CARS2: variants seen among roughly 807,000 people sequenced by gnomAD.
CARS2 encodes cysteinyl-tRNA synthetase 2, mitochondrial, also known as probable cysteine--tRNA ligase, mitochondrial.
In CARS2, 52 loss-of-function variants were observed where a neutral mutation model predicts 68.8. The observed-to-expected ratio is 0.76, with a 90% CI of 0.61 to 0.95. CARS2 has a LOEUF of 0.95. Among genes scored for constraint, CARS2 ranks in the 40% least tolerant of loss-of-function variants. The pLI, the probability that CARS2 is intolerant of heterozygous loss-of-function variation, is 0.00. For missense variants in CARS2, 780 were observed against 754.2 expected, an observed-to-expected ratio of 1.03 and a Z score of -0.40; for synonymous variants, 314 against 303.6, an observed-to-expected ratio of 1.03 and a Z score of -0.36.
Position 110,705,533 on chromosome 13 carries a change from AG to A in CARS2, c.262del (p.Gly89AlafsTer16). ...CCAGGAAACTCACCAAGCATGGCCA[AG>A]GTGCGCATGATCATATACAGTTGGT... ...CGPTVYDHAH[L>X]GHACSYVRFD... On this transcript the variant is annotated frameshift_variant, in exon 2 of 15. Transcript: ENST00000257347. LOFTEE classifies it high-confidence loss of function. The surrounding 1 kb of genome is among the most constrained non-coding windows in gnomAD (Gnocchi z 4.0). The A allele has an allele frequency of 1.2e-6, 2 of 1,605,368 alleles. No homozygotes were observed. The highest frequency in any genetic ancestry group is 1.7e-6 in the Non-Finnish European group (2 of 1,175,182).
Position 110,641,436 on chromosome 13 carries a change from G to T in CARS2, c.*101C>A. On this transcript the variant is annotated 3_prime_UTR_variant, in exon 15 of 15. Transcript: ENST00000257347. Reference sequence around the variant, plus strand: ...ACACTGTTGGTTGCCTTACTTTAATGCTGACCTAGCAGCCCCGACAGGAAG... The same window carrying T: ...ACACTGTTGGTTGCCTTACTTTAATTCTGACCTAGCAGCCCCGACAGGAAG... 1 of 962,828 alleles carries T rather than the reference G, an allele frequency of 1.0e-6. No homozygotes were observed. The highest frequency in any genetic ancestry group is 1.7e-6 in the Non-Finnish European group (1 of 592,766). The allele number at this position is 962,828 out of a possible 1,614,324, so 59.6% of individuals were successfully genotyped here.
intron 13 of CARS2, chr13:110,642,970 G>T (rs576401896): frequency 2.7e-6 from 1 of 369,772 alleles, no homozygotes; most frequent in African/African-American, 2.1e-5. Context: ...CGGGATTTGC[G>T]CAGAAGGCCT....
chr13:110,680,905 C>T (rs755580300), intron 6 of CARS2, among the ~76,000 whole-genome samples: 1 of 152,240 alleles, frequency 6.6e-6, no homozygotes, highest in African/African-American at 2.4e-5. Context: ...TAGTTGCCCC[C>T]AGGGCAGGGC....
Position 110,670,003 on chromosome 13 carries a change from G to C in CARS2, c.786-2530C>G, listed in dbSNP as rs539656139. Among the ~76,000 whole-genome samples, 59 of 152,316 alleles carry C rather than the reference G, an allele frequency of 3.9e-4. No homozygotes were observed. Among genetic ancestry groups the C allele is most frequent in the African/African-American group, 1.4e-3 (57 of 41,582 alleles). Reference sequence around the variant, plus strand: ...AGATGAACTGCAAGGCGGCAGCGAGGCTGGGGGAGGGGCATCTGCCATTGC... The same window carrying C: ...AGATGAACTGCAAGGCGGCAGCGAGCCTGGGGGAGGGGCATCTGCCATTGC... On this transcript the variant is annotated intron_variant, in intron 7 of 14. Coordinates refer to ENST00000257347, the MANE Select transcript of CARS2 (RefSeq NM_024537.4). The surrounding 1 kb of genome is among the most constrained non-coding windows in gnomAD (Gnocchi z 4.1).
In CARS2 at chr13:110,665,479, C is replaced by T. The variant is rs975800486; in HGVS notation, c.919+1861G>A. 2.5e-5 allele frequency: 25 copies of T among 985,476 alleles called. No homozygotes were observed. In the South Asian group the frequency reaches 3.8e-4, roughly 15 times the overall value. The allele number at this position is 985,476 out of a possible 1,614,324, so 61.0% of individuals were successfully genotyped here. ...AGCAAATGCTTTCCCATTCCCACAT[C>T]GGAAGGTGAACACGACCTCCGTTTC... On this transcript the variant is annotated intron_variant, in intron 8 of 14. Transcript: ENST00000257347. The surrounding 1 kb of genome is among the most constrained non-coding windows in gnomAD (Gnocchi z 4.3).
Position 110,668,305 on chromosome 13 carries a change from A to T in CARS2, c.786-832T>A, listed in dbSNP as rs1224665907. 6.6e-6 allele frequency among the ~76,000 whole-genome samples: 1 copy of T among 152,176 alleles called. No individual in the cohort carries two copies. The highest frequency in any genetic ancestry group is 1.5e-5 in the Non-Finnish European group (1 of 68,030). On this transcript the variant is annotated intron_variant, in intron 7 of 14. Transcript: ENST00000257347. This position sits in a 1 kb window ranked among gnomAD's most constrained non-coding sequence, Gnocchi z 4.1. Reference sequence around the variant, plus strand: ...ACGCCTGTAAACACAGCACTTTGGGAGGCTGAGGCAGGCGGATCACAAGGT... The same window carrying T: ...ACGCCTGTAAACACAGCACTTTGGGTGGCTGAGGCAGGCGGATCACAAGGT...
In CARS2 at chr13:110,642,465, C is replaced by T. The variant is rs774705663; in HGVS notation, c.1473G>A (p.Val491=). ...ACTGCCGGACCTTCTGCCGGAACCG[C>T]ACCAGCTCGTCCACCACACCATGCA... ...ATLHGVVDEL[V]RFRQKVRQFA... is the part of the protein sequence containing the mutation. Residue 491 remains valine, a synonymous_variant, in exon 14 of 15, where the codon GTG becomes GTA. Coordinates refer to ENST00000257347, the MANE Select transcript of CARS2 (RefSeq NM_024537.4). 54 of 1,609,742 alleles carry T rather than the reference C, an allele frequency of 3.4e-5. 1 individual carries two copies. The highest frequency in any genetic ancestry group is 1.6e-4 in the Middle Eastern group (1 of 6,082).
chr13:110,702,781 G>A (rs1425905849), intron 2 of CARS2, among the ~76,000 whole-genome samples: 1 of 152,142 alleles, frequency 6.6e-6, no homozygotes, highest in South Asian at 2.1e-4. Flanking sequence ...CACACGCCTT[G>A]CAAGTGCCGG....
At chr13:110,680,525 GGC>G (rs1477072771) in intron 6 of CARS2, among the ~76,000 whole-genome samples, 3 of 152,182 alleles carry the variant, frequency 2.0e-5, no homozygotes, top group Non-Finnish European at 2.9e-5. Flanking sequence ...GACACACAGA[GGC>G]AGAGCCCTTA....
In CARS2 at chr13:110,705,949, C is replaced by G; in HGVS notation, c.145G>C (p.Glu49Gln). The G allele has an allele frequency of 6.4e-7, 1 of 1,557,774 alleles. No individual in the cohort carries two copies. Among genetic ancestry groups the G allele is most frequent in the Non-Finnish European group, 8.7e-7 (1 of 1,155,118 alleles). ...CTGTTGTACACCTGCACACCCGTCT[C>G]CCGGCCCGTGGGCTGCAGCCAGGCC... ...GRAWLQPTGR[E>Q]TGVQVYNSLT... The change falls in exon 1 of 15, where the codon GAG becomes CAG. Residue 49 changes from glutamate to glutamine, a missense_variant. By Grantham distance (29) the Glu-to-Gln change is conservative (BLOSUM62 2). Coordinates refer to ENST00000257347, the MANE Select transcript of CARS2 (RefSeq NM_024537.4). This position sits in a 1 kb window ranked among gnomAD's most constrained non-coding sequence, Gnocchi z 4.0.
At chr13:110,706,254 T>A, upstream of CARS2, 2 of 435,282 alleles carry the variant, frequency 4.6e-6, no homozygotes, top group Admixed American at 4.9e-5. Flanking sequence ...TTGGCCTGGC[T>A]CGAGTCGCCC....
At chr13:110,712,612 G>C in intron 1 of CARS2, 1 of 452,764 alleles carries the variant, frequency 2.2e-6, no homozygotes, top group South Asian at 2.1e-5. Context: ...CCCAAAATCC[G>C]GGAGCTTTGG....
At chr13:110,686,373 G>C (rs1421371094) in intron 5 of CARS2, among the ~76,000 whole-genome samples, 2 of 151,660 alleles carry the variant, frequency 1.3e-5, no homozygotes, top group East Asian at 3.9e-4. Flanking sequence ...CTCCTGAGTA[G>C]CTGAGACTAC....
chr13:110,662,270 G>A (rs556737826), intron 9 of CARS2, among the ~76,000 whole-genome samples: 21 of 112,792 alleles, frequency 1.9e-4, no homozygotes, highest in South Asian at 8.1e-4. Context: ...ATGCAACCCC[G>A]TGGCCGGGCT....
upstream of CARS2, among the ~76,000 whole-genome samples, chr13:110,710,178 C>T (rs543699250): frequency 2.6e-5 from 4 of 152,200 alleles, no homozygotes; most frequent in South Asian, 2.1e-4. Context: ...GTCAGGAGTT[C>T]GAGACCAGCC....
At chr13:110,709,856 G>A (rs1181878272), upstream of CARS2, among the ~76,000 whole-genome samples, 2 of 151,214 alleles carry the variant, frequency 1.3e-5, no homozygotes, top group Non-Finnish European at 2.9e-5. Context: ...TCCAATCTAG[G>A]TCAGAACGAG....
intron 3 of CARS2, among the ~76,000 whole-genome samples, chr13:110,695,514 G>A (rs1411404216): frequency 1.3e-5 from 2 of 152,078 alleles, no homozygotes; most frequent in Non-Finnish European, 2.9e-5. Flanking sequence ...TATATATTCA[G>A]AAGATAGACA....
rs766366526 is a variant in CARS2 at position 110,643,938 on chromosome 13, G to T, written c.1416+447C>A. The T allele has an allele frequency of 3.9e-5, 13 of 335,184 alleles. No individual in the cohort carries two copies. The East Asian group carries it at 1.0e-3, about 27-fold the overall frequency. 20.8% of individuals were successfully genotyped at this position (335,184 alleles called of 1,614,324 possible). A position where few individuals can be genotyped will look rare whatever the true frequency, so the allele number is the denominator to read the frequency against. Reference sequence around the variant, plus strand: ...TCACTGCACAGCCAGGGTGAGCCTCGCTGGGAAGGTGCAGGTGACTCGTGC... The same window carrying T: ...TCACTGCACAGCCAGGGTGAGCCTCTCTGGGAAGGTGCAGGTGACTCGTGC... On this transcript the variant is annotated intron_variant, in intron 13 of 14. Coordinates refer to ENST00000257347, the MANE Select transcript of CARS2 (RefSeq NM_024537.4).
At chr13:110,652,602 C>G (rs2062247234) in intron 9 of CARS2, among the ~76,000 whole-genome samples, 1 of 152,330 alleles carries the variant, frequency 6.6e-6, no homozygotes. Flanking sequence ...GAGGATGGAG[C>G]AGGTCTGGTC....
Sources: gnomAD v4.1 joint callset for allele counts (sites outside exome capture counted in the v4.1 genomes callset) on GRCh38, gnomAD v4.1.1 for gene constraint, Gnocchi (gnomAD v3.1) non-coding constraint, MANE v1.5 for transcripts, NCBI Gene and HGNC (gene_info 2026-07-23, HGNC 2026-07-21) for gene names.